The following PGR variants were observed in gnomAD, a reference collection of about 807,000 sequenced individuals.
PGR encodes the protein progesterone receptor.
In PGR, 25 loss-of-function variants were observed where a neutral mutation model predicts 76.1. The ratio of observed to expected loss-of-function variants is 0.33; its 90% CI spans 0.24 to 0.46. PGR has a LOEUF of 0.46. Among genes scored for constraint, PGR ranks in the 20% least tolerant of loss-of-function variants. PGR has a pLI of 1.00. For missense variants in PGR, 1,172 were observed against 1,225.3 expected (o/e 0.96, Z 0.65); for synonymous variants, 579 against 535.0 (o/e 1.08, Z -1.14).
Position 101,050,125 on chromosome 11 carries a change from AG to A in PGR, c.2358-67del, listed in dbSNP as rs970094526. The A allele has an allele frequency of 3.9e-6, 6 of 1,539,980 alleles. No homozygotes were observed. The Admixed American group carries it at 6.9e-5, about 18-fold the overall frequency. ...AAAAAAATAGTGTCTCAGCCAGTTT[AG>A]GTAATTTATCAGGGAATATGGTTTT... On this transcript the variant is annotated intron_variant, in intron 5 of 7. Transcript: ENST00000325455.
At chr11:101,060,861 C>CT (rs1591379854) in intron 4 of PGR, among the ~76,000 whole-genome samples, 1 of 152,146 alleles carries the variant, frequency 6.6e-6, no homozygotes, top group Non-Finnish European at 1.5e-5. Flanking sequence ...TCTCTCATTC[C>CT]TTTTTGTGGT....
intron 2 of PGR, among the ~76,000 whole-genome samples, chr11:101,099,737 T>G (rs1185479015): frequency 6.6e-6 from 1 of 152,068 alleles, no homozygotes; most frequent in Non-Finnish European, 1.5e-5. Context: ...CAGTAAAGTA[T>G]CTCCATGAAT....
intron 2 of PGR, among the ~76,000 whole-genome samples, chr11:101,096,195 G>A (rs1861825676): frequency 6.6e-6 from 1 of 152,116 alleles, no homozygotes; most frequent in Non-Finnish European, 1.5e-5. Context: ...ATAATTAAGG[G>A]CACTGGCATG....
intron 4 of PGR, among the ~76,000 whole-genome samples, chr11:101,059,766 C>G (rs2135406863): frequency 6.9e-6 from 1 of 144,784 alleles, no homozygotes; most frequent in Admixed American, 7.4e-5. Context: ...TAACTTGAGA[C>G]CAAGAGGTCC....
rs571780581 is a variant in PGR, at chr11:101,050,063, G to C, written c.2358-4C>G. On this transcript the variant is annotated splice_polypyrimidine_tract_variant and splice_region_variant and intron_variant, in intron 5 of 7. Transcript: ENST00000325455. ...TGATGATTCTTTCATCCGCTGTCTTGCATCACACACAATACACAAAAGAAA... is the reference window on the plus strand; with the variant it reads ...TGATGATTCTTTCATCCGCTGTCTTCCATCACACACAATACACAAAAGAAA... 2.5e-6 allele frequency: 4 copies of C among 1,611,918 alleles called. No homozygotes were observed.
intron 2 of PGR, among the ~76,000 whole-genome samples, chr11:101,108,995 TG>T (rs1407247626): frequency 6.6e-6 from 1 of 152,226 alleles, no homozygotes; most frequent in Non-Finnish European, 1.5e-5. Flanking sequence ...TCTGCTATGG[TG>T]ATCTATGATC....
chr11:101,123,279 T>G (rs977257574), intron 2 of PGR, among the ~76,000 whole-genome samples: 6 of 152,202 alleles, frequency 3.9e-5, no homozygotes, highest in Admixed American at 1.3e-4. Context: ...TCATTTTCAT[T>G]CTCATCCTTG....
chr11:101,070,187 G>A (rs1007016847), intron 3 of PGR, among the ~76,000 whole-genome samples: 14 of 152,112 alleles, frequency 9.2e-5, no homozygotes, highest in Non-Finnish European at 1.8e-4. Flanking sequence ...GCTGAAGCAG[G>A]GTGGGGCATT....
At chr11:101,104,771 T>C (rs572189484) in intron 2 of PGR, among the ~76,000 whole-genome samples, 1 of 152,368 alleles carries the variant, frequency 6.6e-6, no homozygotes, top group East Asian at 1.9e-4. Context: ...AAGCAGATTA[T>C]TATCCAAATT....
intron 2 of PGR, among the ~76,000 whole-genome samples, chr11:101,118,464 T>A (rs955336437): frequency 1.3e-5 from 2 of 152,218 alleles, no homozygotes; most frequent in Admixed American, 1.3e-4. Context: ...GTAAATAGCA[T>A]GAAAAGTATT....
chr11:101,057,247 G>A (rs532198861), intron 4 of PGR, among the ~76,000 whole-genome samples: 82 of 152,250 alleles, frequency 5.4e-4, no homozygotes, highest in African/African-American at 1.8e-3. Context: ...TGCGAATCCT[G>A]AAAGATAGTT....
chr11:101,093,482 C>T (rs776172481), intron 2 of PGR, among the ~76,000 whole-genome samples: 2 of 152,084 alleles, frequency 1.3e-5, no homozygotes, highest in Admixed American at 6.6e-5. Context: ...TTCTTTCAGA[C>T]GGAGTTTCGC....
chr11:101,127,157 T>G, intron 1 of PGR: 1 of 256,558 alleles, frequency 3.9e-6, no homozygotes, highest in Non-Finnish European at 7.4e-6. Context: ...ATCTGGAAGA[T>G]TCGGAAAGTT....
intron 2 of PGR, among the ~76,000 whole-genome samples, chr11:101,123,525 A>G (rs1439509667): frequency 6.6e-6 from 1 of 152,218 alleles, no homozygotes; most frequent in African/African-American, 2.4e-5. Context: ...CTAGCAATCT[A>G]GTTTCTCAAA....
intron 6 of PGR, among the ~76,000 whole-genome samples, chr11:101,049,339 A>T (rs142580157): frequency 7.9e-5 from 12 of 152,288 alleles, no homozygotes; most frequent in African/African-American, 2.9e-4. Flanking sequence ...AAAAAAGTAG[A>T]AGTAGTGACT....
intron 6 of PGR, among the ~76,000 whole-genome samples, chr11:101,044,016 T>G (rs985094401): frequency 1.3e-5 from 2 of 152,130 alleles, no homozygotes; most frequent in Admixed American, 1.3e-4. Flanking sequence ...GTCACCAGCT[T>G]CATTAGCCCC....
At chr11:101,093,522 A>C (rs1861742605) in intron 2 of PGR, among the ~76,000 whole-genome samples, 1 of 152,152 alleles carries the variant, frequency 6.6e-6, no homozygotes, top group South Asian at 2.1e-4. Flanking sequence ...AAGCAAAGGC[A>C]CAGTCTCGGC....
intron 2 of PGR, among the ~76,000 whole-genome samples, chr11:101,095,945 C>T (rs1273703966): frequency 6.6e-6 from 1 of 151,998 alleles, no homozygotes; most frequent in East Asian, 1.9e-4. Context: ...GTATGCTCTT[C>T]CAAAAGATGT....
At chr11:101,041,212 A>C (rs1859684103) in intron 7 of PGR, among the ~76,000 whole-genome samples, 1 of 151,960 alleles carries the variant, frequency 6.6e-6, no homozygotes, top group Non-Finnish European at 1.5e-5. Flanking sequence ...AATAGCTCAT[A>C]ATCTTGGCTG....
Sources: allele counts gnomAD v4.1 joint callset (sites outside exome capture counted in the v4.1 genomes callset), GRCh38; gene constraint gnomAD v4.1.1; transcripts MANE v1.5; gene names NCBI Gene and HGNC (gene_info 2026-07-23, HGNC 2026-07-21).